The following TTC28 variants were observed in gnomAD, a reference collection of about 807,000 sequenced individuals.
The protein encoded by TTC28 is tetratricopeptide repeat protein 28.
TTC28 carries 61 observed loss-of-function variants against 198.0 expected under a neutral mutation model. The observed-to-expected ratio is 0.31, with a 90% CI of 0.25 to 0.38. The LOEUF (loss-of-function observed/expected upper bound fraction) is 0.38, where lower values mean the gene tolerates loss of function less well. Among genes scored for constraint, TTC28 ranks in the 10% least tolerant of loss-of-function variants. The pLI is 1.00. For synonymous variants in TTC28, 1,171 were observed against 1,297.8 expected, an observed-to-expected ratio of 0.90 and a Z score of 2.10; for missense variants, 2,678 against 3,164.0, an observed-to-expected ratio of 0.85 and a Z score of 3.69.
chr22:28,354,090 A>G (rs2046039622), intron 2 of TTC28, among the ~76,000 whole-genome samples: 1 of 152,218 alleles, frequency 6.6e-6, no homozygotes, highest in Non-Finnish European at 1.5e-5. Flanking sequence ...GTAGGAATGG[A>G]AAGTGGTGCA....
chr22:28,342,576 T>C (rs1009980307), intron 2 of TTC28, among the ~76,000 whole-genome samples: 7 of 143,550 alleles, frequency 4.9e-5, no homozygotes, highest in Non-Finnish European at 9.4e-5. Context: ...ATAATTCTCA[T>C]AGATAAAAAT....
intron 12 of TTC28, among the ~76,000 whole-genome samples, chr22:28,083,273 G>C (rs1214349498): frequency 2.0e-5 from 3 of 152,072 alleles, no homozygotes; most frequent in Non-Finnish European, 1.5e-5. Flanking sequence ...CTAGAGTAGA[G>C]AGACAGAAAT....
chr22:28,546,042 C>A (rs1176185954), intron 2 of TTC28, among the ~76,000 whole-genome samples: 2 of 152,130 alleles, frequency 1.3e-5, no homozygotes, highest in African/African-American at 4.8e-5. Flanking sequence ...AAGAAAAGAA[C>A]AAAGCTAGAA....
At chr22:28,161,746 G>A (rs935710050) in intron 6 of TTC28, among the ~76,000 whole-genome samples, 2 of 144,840 alleles carry the variant, frequency 1.4e-5, no homozygotes, top group African/African-American at 5.0e-5. Context: ...GACAGGACAG[G>A]ACAGGACAGG....
intron 5 of TTC28, among the ~76,000 whole-genome samples, chr22:28,234,207 A>C (rs969951244): frequency 6.6e-6 from 1 of 150,708 alleles, no homozygotes; most frequent in African/African-American, 2.4e-5. Flanking sequence ...CACCTGGCCA[A>C]ATTTTTTGTA....
At chr22:28,421,752 C>A (rs1362865525) in intron 2 of TTC28, among the ~76,000 whole-genome samples, 1 of 151,972 alleles carries the variant, frequency 6.6e-6, no homozygotes, top group Non-Finnish European at 1.5e-5. Context: ...TCGAGACCAT[C>A]CTGGCTAACA....
chr22:28,101,367 G>C, intron 8 of TTC28, 87 bp from the exon 9 acceptor site: 1 of 1,171,810 alleles, frequency 8.5e-7, no homozygotes, highest in East Asian at 2.6e-5. Flanking sequence ...TTTTACTTTT[G>C]TGTTTTTGTT....
intron 16 of TTC28, among the ~76,000 whole-genome samples, chr22:27,997,032 C>G (rs1474322827): frequency 6.6e-6 from 1 of 152,240 alleles, no homozygotes; most frequent in Non-Finnish European, 1.5e-5. Context: ...TCCCCACAAG[C>G]CCTGCAGTAG....
intron 2 of TTC28, among the ~76,000 whole-genome samples, chr22:28,476,795 AAT>A (rs2048174506): frequency 6.6e-6 from 1 of 152,194 alleles, no homozygotes; most frequent in Non-Finnish European, 1.5e-5. Flanking sequence ...AAGAAAAATG[AAT>A]ATATGTTTAA....
At chr22:27,996,034 C>G in intron 17 of TTC28, 101 bp downstream of exon 17, 1 of 1,460,200 alleles carries the variant, frequency 6.8e-7, no homozygotes, top group Non-Finnish European at 9.1e-7. Flanking sequence ...TCACGGTGTC[C>G]TCTCCAACTG....
intron 5 of TTC28, among the ~76,000 whole-genome samples, chr22:28,217,725 C>T (rs1477834379): frequency 2.0e-5 from 3 of 152,072 alleles, no homozygotes; most frequent in Non-Finnish European, 4.4e-5. Context: ...AAGTACAATT[C>T]CAACAAACTT....
chr22:28,350,056 C>T lies in TTC28; in HGVS notation c.382-43413G>A, dbSNP rs1376102584. Among the ~76,000 whole-genome samples the T allele has an allele frequency of 3.9e-5, 6 of 152,278 alleles. No homozygotes were observed. The South Asian group carries it at 6.2e-4, about 16-fold the overall frequency. On this transcript the variant is annotated intron_variant, in intron 2 of 22. Coordinates refer to ENST00000397906, the MANE Select transcript of TTC28 (RefSeq NM_001145418.2). ...TAAATGTACCTCTTTTCATATCTAA[C>T]TCATTAGTAGAGAATGACATAAGCA...
At chr22:28,646,192 CT>C (rs1425135818) in intron 1 of TTC28, among the ~76,000 whole-genome samples, 5 of 152,104 alleles carry the variant, frequency 3.3e-5, no homozygotes, top group Non-Finnish European at 5.9e-5. Context: ...CAAAGGACTC[CT>C]AGATTTGATA....
In TTC28 at chr22:27,998,906, C is replaced by A. The variant is rs1937600887; in HGVS notation, c.4753G>T (p.Val1585Leu). 1 of 1,550,534 alleles carries A rather than the reference C, an allele frequency of 6.4e-7. No homozygotes were observed. The highest frequency in any genetic ancestry group is 1.4e-5 in the African/African-American group (1 of 73,062). Residue 1585 changes from valine to leucine, a missense_variant, in exon 16 of 23, where the codon GTG becomes TTG. Val to Leu is a conservative substitution (Grantham distance 32). This residue lies in a region of TTC28 where 727 missense variants were observed against 861.9 expected (regional missense o/e 0.84). Coordinates refer to ENST00000397906, the MANE Select transcript of TTC28 (RefSeq NM_001145418.2). ...HPYTIPESLR[V>L]QDDASDGESI... The stretch of plus-strand genomic sequence containing the variant: ...TCCCCATCACTGGCATCGTCCTGCA[C>A]CCGCAAGGACTCAGGGATCGTGTAG...
chr22:28,395,837 T>C (rs1251910636), intron 2 of TTC28, among the ~76,000 whole-genome samples: 1 of 152,146 alleles, frequency 6.6e-6, no homozygotes, highest in Non-Finnish European at 1.5e-5. Flanking sequence ...CTAATAACCA[T>C]TTGGATATGA....
chr22:27,981,229 AATTT>A lies in TTC28; in HGVS notation c.*988_*991del, dbSNP rs1937003048. On this transcript the variant is annotated 3_prime_UTR_variant, in exon 23 of 23. Transcript: ENST00000397906. ...CTGGTTAAATCTAGTTAGCCATGGA[AATTT>A]TTTTTTTTTTTTTTTTTTTTTTTTT... The A allele has an allele frequency of 1.4e-5, 1 of 72,686 alleles. No homozygotes were observed. Among genetic ancestry groups the A allele is most frequent in the African/African-American group, 4.9e-5 (1 of 20,420 alleles). The allele number at this position is 72,686 out of a possible 1,614,324, so 4.5% of individuals were successfully genotyped here.
intron 3 of TTC28, among the ~76,000 whole-genome samples, chr22:28,305,094 G>T (rs774054502): frequency 1.2e-4 from 18 of 151,976 alleles, no homozygotes; most frequent in Non-Finnish European, 7.4e-5. Flanking sequence ...AGGTTCAAGC[G>T]ATTCTCCTGC....
intron 1 of TTC28, among the ~76,000 whole-genome samples, chr22:28,677,173 A>ATAT (rs1403518183): frequency 1.5e-3 from 37 of 24,292 alleles, no homozygotes; most frequent in African/African-American, 3.4e-3. Context: ...AAAAAAAAAA[A>ATAT]AAATATATAT....
intron 2 of TTC28, among the ~76,000 whole-genome samples, chr22:28,521,713 A>G (rs1482524807): frequency 3.9e-5 from 6 of 152,212 alleles, no homozygotes; most frequent in Non-Finnish European, 1.5e-5. Flanking sequence ...GAGAGTAGAG[A>G]GAGGTAAAGA....
Sources: allele counts gnomAD v4.1 joint callset (sites outside exome capture counted in the v4.1 genomes callset), GRCh38; gene constraint gnomAD v4.1.1; regional missense constraint gnomAD v4.1.1; transcripts MANE v1.5; gene names NCBI Gene and HGNC (gene_info 2026-07-23, HGNC 2026-07-21).